The following SLC16A12 variants were observed in gnomAD, a reference collection of about 807,000 sequenced individuals.
The protein encoded by SLC16A12 is monocarboxylate transporter 12.
Under a neutral mutation model 42.4 loss-of-function variants are expected in SLC16A12, and 17 were observed. The observed-to-expected ratio is 0.40, with a 90% CI of 0.27 to 0.60. SLC16A12 has a LOEUF of 0.60. SLC16A12 is among the 20% of genes least tolerant of loss of function. The probability of loss-of-function intolerance (pLI) is 0.42; values close to 1 mark genes in which losing one functional copy is unlikely to be tolerated. For synonymous variants in SLC16A12, 224 were observed against 229.4 expected (o/e 0.98, Z 0.21); for missense variants, 544 against 623.0 (o/e 0.87, Z 1.35).
At chr10:89,543,656 C>T (rs1391299204) in intron 2 of SLC16A12, among the ~76,000 whole-genome samples, 1 of 151,922 alleles carries the variant, frequency 6.6e-6, no homozygotes, top group African/African-American at 2.4e-5. Flanking sequence ...TGGTGAAAAC[C>T]TGTCTCTACC....
chr10:89,520,791 CT>C (rs1404224852), intron 2 of SLC16A12, among the ~76,000 whole-genome samples: 2 of 151,638 alleles, frequency 1.3e-5, no homozygotes, highest in African/African-American at 2.4e-5. Flanking sequence ...TGCCCCTGCC[CT>C]TGAGCCTTAA....
At chr10:89,446,910 A>G (rs1403253033) in intron 3 of SLC16A12, among the ~76,000 whole-genome samples, 1 of 152,168 alleles carries the variant, frequency 6.6e-6, no homozygotes, top group African/African-American at 2.4e-5. Context: ...GGGATGGAGG[A>G]AGATCTACCA....
At chr10:89,544,179 T>C (rs1294026786) in intron 2 of SLC16A12, among the ~76,000 whole-genome samples, 1 of 152,224 alleles carries the variant, frequency 6.6e-6, no homozygotes. Flanking sequence ...CCCAATACTT[T>C]ATCCCTGAAA....
chr10:89,443,323 T>A (rs575497479), intron 4 of SLC16A12, among the ~76,000 whole-genome samples: 1 of 152,348 alleles, frequency 6.6e-6, no homozygotes, highest in East Asian at 1.9e-4. Context: ...TACAACACTG[T>A]TGGCACTTAT....
At chr10:89,464,811 A>G (rs1842365440) in intron 2 of SLC16A12, among the ~76,000 whole-genome samples, 2 of 152,264 alleles carry the variant, frequency 1.3e-5, no homozygotes, top group African/African-American at 2.4e-5. Flanking sequence ...TCCCACATAC[A>G]TCACTTAGGT....
At chr10:89,505,806 C>A (rs551251591) in intron 2 of SLC16A12, among the ~76,000 whole-genome samples, 45 of 152,348 alleles carry the variant, frequency 3.0e-4, no homozygotes, top group African/African-American at 1.1e-3. Context: ...TCCACGCCCA[C>A]AGAGCCTAGC....
chr10:89,556,315 A>C (rs1407208399), intron 1 of SLC16A12, among the ~76,000 whole-genome samples: 3 of 152,154 alleles, frequency 2.0e-5, no homozygotes, highest in African/African-American at 7.2e-5. Context: ...TAACTGAAAC[A>C]AAAAGGGGGG....
chr10:89,470,193 C>G (rs562410660), intron 2 of SLC16A12, among the ~76,000 whole-genome samples: 6 of 152,266 alleles, frequency 3.9e-5, no homozygotes, highest in African/African-American at 1.2e-4. Flanking sequence ...TTATAGGGGA[C>G]ATTCCCACCA....
intron 3 of SLC16A12, among the ~76,000 whole-genome samples, chr10:89,449,319 A>T (rs138659111): frequency 1.3e-5 from 2 of 152,202 alleles, no homozygotes; most frequent in Non-Finnish European, 2.9e-5. Context: ...AACTCAAAAG[A>T]ACAAAGCTGG....
intron 2 of SLC16A12, among the ~76,000 whole-genome samples, chr10:89,511,553 G>A (rs1010998293): frequency 6.6e-6 from 1 of 152,094 alleles, no homozygotes; most frequent in Non-Finnish European, 1.5e-5. Flanking sequence ...ACACAGGGAG[G>A]TGAACATCAC....
At chr10:89,472,487 C>CTTTTT (rs71022567) in intron 2 of SLC16A12, among the ~76,000 whole-genome samples, 1,027 of 89,856 alleles carry the variant, frequency 0.011, 2 homozygotes, top group Non-Finnish European at 0.016. Context: ...TCTTTTCTTT[C>CTTTTT]TTTTTTTTTT....
intron 3 of SLC16A12, among the ~76,000 whole-genome samples, chr10:89,455,155 A>G (rs1265597575): frequency 6.6e-6 from 1 of 152,200 alleles, no homozygotes. Flanking sequence ...GAGTGTTACA[A>G]GCTGAGAAAA....
chr10:89,476,828 C>T (rs2133778591), intron 2 of SLC16A12, among the ~76,000 whole-genome samples: 1 of 152,334 alleles, frequency 6.6e-6, no homozygotes, highest in East Asian at 1.9e-4. Flanking sequence ...CTTCTTTCTG[C>T]TTTTGCAAAG....
intron 2 of SLC16A12, among the ~76,000 whole-genome samples, chr10:89,554,680 T>C (rs985059085): frequency 5.9e-5 from 9 of 152,148 alleles, no homozygotes; most frequent in African/African-American, 1.7e-4. Flanking sequence ...GAAACGGTCT[T>C]ACTTTTGGTT....
chr10:89,551,835 T>C (rs1357044101), intron 2 of SLC16A12, among the ~76,000 whole-genome samples: 1 of 152,244 alleles, frequency 6.6e-6, no homozygotes, highest in Non-Finnish European at 1.5e-5. Flanking sequence ...AAACTTCTTT[T>C]TCTTCTCAGT....
intron 2 of SLC16A12, among the ~76,000 whole-genome samples, chr10:89,469,721 A>C (rs1298427850): frequency 6.6e-6 from 1 of 152,198 alleles, no homozygotes; most frequent in African/African-American, 2.4e-5. Flanking sequence ...AGTCCCAGTG[A>C]CCCTGTATGA....
intron 2 of SLC16A12, among the ~76,000 whole-genome samples, chr10:89,515,119 CAAAACAAAACAAAA>C (rs918380006): frequency 1.3e-5 from 2 of 149,004 alleles, no homozygotes; most frequent in African/African-American, 5.0e-5. Flanking sequence ...CAAAACAAAA[CAAAACAAAACAAAA>C]AAAAAAGAAA....
chr10:89,437,438 CA>C (rs1366737825), intron 6 of SLC16A12, among the ~76,000 whole-genome samples: 1 of 151,940 alleles, frequency 6.6e-6, no homozygotes, highest in African/African-American at 2.4e-5. Flanking sequence ...GCTCATTTTA[CA>C]GATAGAGATC....
At chr10:89,458,581 A>G (rs186135690) in intron 3 of SLC16A12, among the ~76,000 whole-genome samples, 12 of 152,266 alleles carry the variant, frequency 7.9e-5, no homozygotes, top group Non-Finnish European at 1.2e-4. Flanking sequence ...GAGTGAACTG[A>G]TTTTGCCTTT....
Sources: gnomAD v4.1 joint callset for allele counts (sites outside exome capture counted in the v4.1 genomes callset) on GRCh38, gnomAD v4.1.1 for gene constraint, MANE v1.5 for transcripts, NCBI Gene and HGNC (gene_info 2026-07-23, HGNC 2026-07-21) for gene names.